Variants in SEMA3E observed in about 807,000 individuals in gnomAD.
SEMA3E encodes the protein semaphorin-3E.
In SEMA3E, 49 loss-of-function variants were observed where a neutral mutation model predicts 93.6. The observed-to-expected ratio is 0.52, with a 90% CI of 0.42 to 0.66. The LOEUF is 0.66. Ranked by LOEUF, SEMA3E falls within the 30% of genes least tolerant of loss-of-function variation. The probability of loss-of-function intolerance (pLI) is 0.00; values close to 1 mark genes in which losing one functional copy is unlikely to be tolerated. For missense variants in SEMA3E, 906 were observed against 964.8 expected (o/e 0.94, Z 0.81); for synonymous variants, 363 against 330.7 (o/e 1.10, Z -1.06).
chr7:83,384,788 G>A (rs17157566), intron 16 of SEMA3E, among the ~76,000 whole-genome samples: 1,692 of 152,126 alleles, frequency 0.011, 32 homozygotes, highest in African/African-American at 0.039. Context: ...CAGCGGTCAA[G>A]AACCCTTGTG....
intron 2 of SEMA3E, among the ~76,000 whole-genome samples, chr7:83,484,535 C>A (rs1790214045): frequency 1.3e-5 from 2 of 152,104 alleles, no homozygotes; most frequent in South Asian, 2.1e-4. Context: ...TTTACCAGTT[C>A]TGCAGTGTAA....
At chr7:83,478,627 C>T (rs1406127480) in intron 2 of SEMA3E, among the ~76,000 whole-genome samples, 1 of 152,162 alleles carries the variant, frequency 6.6e-6, no homozygotes, top group East Asian at 1.9e-4. Flanking sequence ...AAAGGGTGTA[C>T]AGTTACATCT....
In SEMA3E at chr7:83,461,042, G is replaced by A. The variant is rs183616085; in HGVS notation, c.456+5440C>T. 4.6e-5 allele frequency among the ~76,000 whole-genome samples: 7 copies of A among 152,062 alleles called. No individual in the cohort carries two copies. The South Asian group carries it at 8.3e-4, about 18-fold the overall frequency. On this transcript the variant is annotated intron_variant, in intron 4 of 16. Transcript: ENST00000643230. ...ATGCCTTATTTTCTTCTGCCATGCC[G>A]CTTGACCCCAATACAAACTGGACAG...
chr7:83,399,218 C>T (rs1281062735), intron 11 of SEMA3E, among the ~76,000 whole-genome samples: 1 of 152,094 alleles, frequency 6.6e-6, no homozygotes, highest in Admixed American at 6.5e-5. Flanking sequence ...ATTTTAAACA[C>T]TTTAAAAATG....
chr7:83,519,517 A>G (rs1026797387), intron 1 of SEMA3E, among the ~76,000 whole-genome samples: 3 of 152,122 alleles, frequency 2.0e-5, no homozygotes, highest in African/African-American at 7.2e-5. Context: ...CATGTTTATC[A>G]TATCTCTGTG....
intron 15 of SEMA3E, 36 bp downstream of exon 15, chr7:83,386,947 T>C: frequency 1.3e-6 from 2 of 1,587,228 alleles, no homozygotes; most frequent in Non-Finnish European, 1.7e-6. Context: ...ATGTATTCTC[T>C]GAGTAACCCA....
rs181465088 is a variant in SEMA3E, at chr7:83,455,257, G to A, written c.456+11225C>T. On this transcript the variant is annotated intron_variant, in intron 4 of 16. Transcript: ENST00000643230. ...ATATGGCAGCAGTCTATATTCAAAT[G>A]CTTATGCCCTCAAGGACAATCAAAT... 2.4e-4 allele frequency among the ~76,000 whole-genome samples: 37 copies of A among 152,250 alleles called. No homozygotes were observed. In the East Asian group the frequency reaches 6.6e-3, roughly 27 times the overall value.
At chr7:83,487,167 A>G (rs1455905645) in intron 2 of SEMA3E, among the ~76,000 whole-genome samples, 1 of 152,112 alleles carries the variant, frequency 6.6e-6, no homozygotes, top group Admixed American at 6.6e-5. Context: ...TGAGTAGGTG[A>G]TTCAATTTCC....
chr7:83,555,606 C>T (rs1791870967), intron 1 of SEMA3E, among the ~76,000 whole-genome samples: 1 of 152,082 alleles, frequency 6.6e-6, no homozygotes, highest in South Asian at 2.1e-4. Context: ...TTGCGATTTG[C>T]CCATCTCTTG....
chr7:83,467,974 G>A (rs182831439), intron 3 of SEMA3E, among the ~76,000 whole-genome samples: 57 of 152,262 alleles, frequency 3.7e-4, no homozygotes, highest in Middle Eastern at 3.4e-3. Context: ...GACAAATTAG[G>A]TGTTGCCATT....
chr7:83,549,501 C>T (rs1693387), intron 1 of SEMA3E, among the ~76,000 whole-genome samples: 50,618 of 151,838 alleles, frequency 0.33, 10,337 homozygotes, highest in African/African-American at 0.57. Flanking sequence ...TTTAAATATA[C>T]TTTTATCCCA....
At chr7:83,383,019 A>C (rs1787808904) in intron 16 of SEMA3E, among the ~76,000 whole-genome samples, 2 of 151,986 alleles carry the variant, frequency 1.3e-5, no homozygotes, top group African/African-American at 4.8e-5. Context: ...ACAGGCAGAC[A>C]TTACAGAATC....
At chr7:83,469,477 A>T (rs1479322558) in intron 2 of SEMA3E, among the ~76,000 whole-genome samples, 175 bp from the exon 3 acceptor site, 1 of 151,826 alleles carries the variant, frequency 6.6e-6, no homozygotes, top group African/African-American at 2.4e-5. Context: ...TAATTAAGAA[A>T]CGTATCGCTG....
intron 1 of SEMA3E, among the ~76,000 whole-genome samples, chr7:83,642,207 G>T (rs1256286786): frequency 6.6e-6 from 1 of 152,130 alleles, no homozygotes; most frequent in African/African-American, 2.4e-5. Context: ...CTAAGTCCCA[G>T]AAATCAGGCA....
chr7:83,530,739 G>A (rs982709535), intron 1 of SEMA3E, among the ~76,000 whole-genome samples: 5 of 152,068 alleles, frequency 3.3e-5, no homozygotes, highest in Non-Finnish European at 5.9e-5. Flanking sequence ...TCAGTCAGGT[G>A]TGGTGGTGCA....
chr7:83,407,309 T>C, intron 6 of SEMA3E, 70 bp from the exon 7 acceptor site: 4 of 1,262,674 alleles, frequency 3.2e-6, no homozygotes, highest in Non-Finnish European at 4.5e-6. Context: ...GTTATTCCAA[T>C]AAATTGTATA....
chr7:83,429,945 AT>A (rs1221624863), intron 4 of SEMA3E, among the ~76,000 whole-genome samples: 2 of 152,164 alleles, frequency 1.3e-5, no homozygotes, highest in East Asian at 3.9e-4. Flanking sequence ...TCCAATCAAA[AT>A]TTCTCCCATG....
chr7:83,501,217 C>T (rs1443051034), intron 1 of SEMA3E, among the ~76,000 whole-genome samples: 1 of 152,080 alleles, frequency 6.6e-6, no homozygotes, highest in Non-Finnish European at 1.5e-5. Flanking sequence ...TTATTTCATT[C>T]GTTCAATCTG....
intron 1 of SEMA3E, among the ~76,000 whole-genome samples, chr7:83,569,433 T>C (rs1444855128): frequency 2.0e-5 from 3 of 152,220 alleles, no homozygotes; most frequent in Middle Eastern, 3.4e-3. Context: ...TTAAAAGGTA[T>C]AGAGTGGCAA....
Sources: gnomAD v4.1 joint callset for allele counts (sites outside exome capture counted in the v4.1 genomes callset) on GRCh38, gnomAD v4.1.1 for gene constraint, MANE v1.5 for transcripts, NCBI Gene and HGNC (gene_info 2026-07-23, HGNC 2026-07-21) for gene names.